VPS8: variants seen among roughly 807,000 people sequenced by gnomAD.
The protein encoded by VPS8 is VPS8 subunit of CORVET complex.
Under a neutral mutation model 216.4 loss-of-function variants are expected in VPS8, and 129 were observed. The observed-to-expected ratio is 0.60, with a 90% CI of 0.52 to 0.69. The LOEUF is 0.69. VPS8 is among the 30% of genes least tolerant of loss of function. The probability of loss-of-function intolerance (pLI) is 0.00; values close to 1 mark genes in which losing one functional copy is unlikely to be tolerated. For missense variants in VPS8, 1,531 were observed against 1,683.5 expected (o/e 0.91, Z 1.59); for synonymous variants, 571 against 565.4 (o/e 1.01, Z -0.14).
chr3:184,816,273 A>G (rs1481720936), intron 1 of VPS8: 4 of 152,198 alleles, frequency 2.6e-5, no homozygotes, highest in Non-Finnish European at 5.9e-5. Flanking sequence ...TGTTTTGTAT[A>G]TTGTGATAGG....
intron 44 of VPS8, among the ~76,000 whole-genome samples, chr3:184,999,310 C>T (rs574412600): frequency 7.9e-5 from 12 of 152,332 alleles, no homozygotes; most frequent in South Asian, 6.2e-4. Context: ...CTGCCCACCT[C>T]GGCCTCCCAA....
chr3:184,962,577 G>C (rs572855918), intron 37 of VPS8, among the ~76,000 whole-genome samples: 1 of 151,986 alleles, frequency 6.6e-6, no homozygotes, highest in South Asian at 2.1e-4. Flanking sequence ...TTCTCTTATT[G>C]AGTTCAAGAA....
At chr3:184,818,445 C>A (rs1014308312) in intron 1 of VPS8, among the ~76,000 whole-genome samples, 3 of 150,866 alleles carry the variant, frequency 2.0e-5, no homozygotes, top group African/African-American at 7.3e-5. Context: ...ATTGCTTGAC[C>A]TGGGAGGCAG....
intron 18 of VPS8, 108 bp downstream of exon 18, chr3:184,868,167 G>T: frequency 8.2e-7 from 1 of 1,212,854 alleles, no homozygotes; most frequent in Non-Finnish European, 1.2e-6. Context: ...CTTAATTTCA[G>T]AAGTGTACAA....
chr3:184,984,194 A>AAAAAAAAAAAAAAAAAAACTCACCAAG, intron 42 of VPS8, among the ~76,000 whole-genome samples: 2,813 of 46,436 alleles, frequency 0.061, 1,108 homozygotes, highest in African/African-American at 0.17. Context: ...AAAAAAAAAA[A>AAAAAAAAAAAAAAAAAAACTCACCAAG]CTCTACTTCC....
At chr3:184,996,951 C>T (rs1318456173) in intron 44 of VPS8, among the ~76,000 whole-genome samples, 7 of 152,168 alleles carry the variant, frequency 4.6e-5, no homozygotes, top group East Asian at 1.9e-4. Context: ...AACATGGTAC[C>T]GTTGTCTAAG....
At chr3:184,863,734 C>T (rs1247062495) in intron 16 of VPS8, among the ~76,000 whole-genome samples, 1 of 152,048 alleles carries the variant, frequency 6.6e-6, no homozygotes, top group Non-Finnish European at 1.5e-5. Context: ...TGTTCCTAAA[C>T]CACAAATCTT....
intron 29 of VPS8, among the ~76,000 whole-genome samples, chr3:184,922,119 C>T (rs1230859902): frequency 1.3e-5 from 2 of 152,298 alleles, no homozygotes; most frequent in East Asian, 3.9e-4. Flanking sequence ...AGTTTATGTT[C>T]TTTGCAAGGG....
chr3:185,016,586 G>A lies in VPS8; in HGVS notation c.4003-7750G>A, dbSNP rs955708063. Among the ~76,000 whole-genome samples, 7 of 152,312 alleles carry A rather than the reference G, an allele frequency of 4.6e-5. No homozygotes were observed. In the East Asian group the frequency reaches 1.3e-3, roughly 29 times the overall value. ...ACAGTCCTGCTCAGCTAAGAGGATA[G>A]TAAAGAAATAGTCTTTTAAATCTAT... On this transcript the variant is annotated intron_variant, in intron 45 of 47. Coordinates refer to ENST00000625842, the MANE Select transcript of VPS8 (RefSeq NM_001009921.3).
chr3:184,852,528 G>T lies in VPS8; in HGVS notation c.782G>T (p.Cys261Phe). ...ACAGATGATCCAACTCTTGCAATTTGCAACGACAGCGGAGGCTCTGTTTTT... is the reference window on the plus strand; with the variant it reads ...ACAGATGATCCAACTCTTGCAATTTTCAACGACAGCGGAGGCTCTGTTTTT... ...KFTDDPTLAI[C>F]NDSGGSVFEL... Residue 261 changes from cysteine (C) to phenylalanine (F), a missense_variant, in exon 11 of 48, where the codon TGC becomes TTC. This residue lies in a region of VPS8 where 1,318 missense variants were observed against 1,468.4 expected (regional missense o/e 0.90). Transcript: ENST00000625842. 6.2e-7 allele frequency: 1 copy of T among 1,613,574 alleles called. No individual in the cohort carries two copies. The highest frequency in any genetic ancestry group is 8.5e-7 in the Non-Finnish European group (1 of 1,179,676).
At chr3:184,926,448 G>T (rs938701670) in intron 30 of VPS8, 146 bp from the exon 31 acceptor site, 8 of 670,054 alleles carry the variant, frequency 1.2e-5, no homozygotes, top group Non-Finnish European at 2.0e-5. Context: ...GGGTTAATCA[G>T]TTGGGAAGGT....
intron 1 of VPS8, 152 bp downstream of exon 1, chr3:184,812,377 C>A (rs1158039412): frequency 6.6e-6 from 1 of 152,210 alleles, no homozygotes; most frequent in Non-Finnish European, 1.5e-5. Context: ...CAGAGCAGCC[C>A]CTGACGGGCT....
chr3:184,996,033 A>G (rs1191698200), intron 43 of VPS8, among the ~76,000 whole-genome samples: 1 of 152,266 alleles, frequency 6.6e-6, no homozygotes, highest in Non-Finnish European at 1.5e-5. Context: ...TTTGAAAGCC[A>G]TCAATACTGA....
chr3:185,036,688 T>C (rs1359556220), intron 46 of VPS8, among the ~76,000 whole-genome samples: 1 of 151,952 alleles, frequency 6.6e-6, no homozygotes, highest in Non-Finnish European at 1.5e-5. Flanking sequence ...TACTCCTATA[T>C]AGTTTTATTC....
intron 40 of VPS8, among the ~76,000 whole-genome samples, chr3:184,979,585 T>G (rs1749851174): frequency 6.6e-6 from 1 of 152,240 alleles, no homozygotes; most frequent in Non-Finnish European, 1.5e-5. Flanking sequence ...CATTGTTGTT[T>G]TAAAGTCTCT....
At chr3:185,042,719 A>C (rs1336393797) in intron 46 of VPS8, among the ~76,000 whole-genome samples, 2 of 152,330 alleles carry the variant, frequency 1.3e-5, no homozygotes, top group African/African-American at 4.8e-5. Flanking sequence ...GAAGCCTCTC[A>C]TGAATTTGAC....
chr3:184,947,169 T>C (rs948235693), intron 36 of VPS8, among the ~76,000 whole-genome samples: 4 of 152,204 alleles, frequency 2.6e-5, no homozygotes, highest in African/African-American at 9.7e-5. Context: ...AAGCAAGTGA[T>C]GTCTCCAGTA....
intron 28 of VPS8, among the ~76,000 whole-genome samples, chr3:184,919,530 T>C (rs1446972999): frequency 1.3e-5 from 2 of 152,220 alleles, no homozygotes; most frequent in African/African-American, 4.8e-5. Flanking sequence ...ATGCATGTTA[T>C]GTTCAAAGTA....
intron 21 of VPS8, among the ~76,000 whole-genome samples, chr3:184,876,064 C>A (rs1729219844): frequency 6.6e-6 from 1 of 151,314 alleles, no homozygotes; most frequent in South Asian, 2.1e-4. Flanking sequence ...TCTATAAATT[C>A]TGTGGACCCT....
Sources: allele counts gnomAD v4.1 joint callset (sites outside exome capture counted in the v4.1 genomes callset), GRCh38; gene constraint gnomAD v4.1.1; regional missense constraint gnomAD v4.1.1; transcripts MANE v1.5; gene names NCBI Gene and HGNC (gene_info 2026-07-23, HGNC 2026-07-21).